Variants in CSMD1 observed in about 807,000 individuals in gnomAD.
CSMD1 encodes the protein CUB and Sushi multiple domains 1, also known as CUB and sushi domain-containing protein 1.
Under a neutral mutation model 417.5 loss-of-function variants are expected in CSMD1, and 213 were observed. The observed-to-expected ratio is 0.51, with a 90% CI of 0.46 to 0.57. The LOEUF is 0.57. Among genes scored for constraint, CSMD1 ranks in the 20% least tolerant of loss-of-function variants. CSMD1 has a pLI of 0.00. For synonymous variants in CSMD1, 2,862 were observed against 1,736.8 expected, an observed-to-expected ratio of 1.65 and a Z score of -16.11; for missense variants, 6,923 against 4,529.7, an observed-to-expected ratio of 1.53 and a Z score of -15.17.
At chr8:3,025,381 T>G (rs1320263296) in intron 51 of CSMD1, among the ~76,000 whole-genome samples, 1 of 151,700 alleles carries the variant, frequency 6.6e-6, no homozygotes, top group South Asian at 2.1e-4. Context: ...TCTGAAACTG[T>G]GTATTGTGTG....
chr8:4,333,496 G>C (rs989346940), intron 3 of CSMD1, among the ~76,000 whole-genome samples: 1 of 152,078 alleles, frequency 6.6e-6, no homozygotes, highest in Non-Finnish European at 1.5e-5. Context: ...ATGATTATGT[G>C]TACAGCACTA....
chr8:4,403,367 T>C (rs1804782950), intron 3 of CSMD1, among the ~76,000 whole-genome samples: 2 of 152,166 alleles, frequency 1.3e-5, no homozygotes, highest in African/African-American at 4.8e-5. Context: ...AAGTCTCTAC[T>C]TGACCTCTCT....
At chr8:3,495,353 C>T (rs757046869) in intron 10 of CSMD1, among the ~76,000 whole-genome samples, 4 of 152,128 alleles carry the variant, frequency 2.6e-5, no homozygotes, top group Admixed American at 2.0e-4. Flanking sequence ...TGGTGGGAAG[C>T]GATGATAATT....
At chr8:2,964,473 G>A (rs1335422548) in intron 59 of CSMD1, among the ~76,000 whole-genome samples, 1 of 152,208 alleles carries the variant, frequency 6.6e-6, no homozygotes, top group East Asian at 1.9e-4. Flanking sequence ...GGGAATGGGA[G>A]GAGACAAGTT....
At chr8:4,082,739 T>C (rs927021496) in intron 3 of CSMD1, among the ~76,000 whole-genome samples, 1 of 150,462 alleles carries the variant, frequency 6.6e-6, no homozygotes, top group African/African-American at 2.4e-5. Context: ...GCATTAGGTA[T>C]ATCTCCTGAT....
intron 2 of CSMD1, among the ~76,000 whole-genome samples, chr8:4,545,660 T>G (rs1585231140): frequency 6.6e-6 from 1 of 152,156 alleles, no homozygotes; most frequent in Non-Finnish European, 1.5e-5. Flanking sequence ...CCTAGGAGTT[T>G]CCCAGTGTGC....
intron 3 of CSMD1, among the ~76,000 whole-genome samples, chr8:4,067,167 T>C (rs1022060643): frequency 2.0e-5 from 3 of 152,252 alleles, no homozygotes; most frequent in African/African-American, 7.2e-5. Flanking sequence ...GGATGAAAGA[T>C]ACTGGGTGAA....
intron 3 of CSMD1, among the ~76,000 whole-genome samples, chr8:4,084,171 G>A (rs1276625776): frequency 1.3e-5 from 2 of 149,622 alleles, no homozygotes; most frequent in South Asian, 2.1e-4. Context: ...AATTAAAAGA[G>A]AAAGAATTTT....
chr8:4,991,120 C>A (rs1233413082), intron 1 of CSMD1, among the ~76,000 whole-genome samples: 5 of 152,236 alleles, frequency 3.3e-5, no homozygotes, highest in Non-Finnish European at 4.4e-5. Context: ...CAAGAAACAA[C>A]TGAGAAGGAA....
Position 4,787,582 on chromosome 8 carries a change from G to C in CSMD1, c.86-150024C>G, listed in dbSNP as rs547060364. On this transcript the variant is annotated intron_variant, in intron 1 of 69. Transcript: ENST00000635120. ...GGGAGACAGCTTTCATTGCACCCCA[G>C]TGCGAAATGATTCCAATTGAATGGG... 1.2e-3 allele frequency: 1,837 copies of C among 1,518,900 alleles called. 4 individuals carry two copies. The highest frequency in any genetic ancestry group is 1.5e-3 in the Non-Finnish European group (1,622 of 1,097,648). The allele number at this position is 1,518,900 out of a possible 1,614,324, so 94.1% of individuals were successfully genotyped here.
intron 4 of CSMD1, among the ~76,000 whole-genome samples, chr8:4,022,801 G>A (rs566595424): frequency 2.0e-5 from 3 of 152,188 alleles, no homozygotes; most frequent in Admixed American, 2.0e-4. Flanking sequence ...AAGCAATCGT[G>A]TAAGTTAGAG....
intron 5 of CSMD1, among the ~76,000 whole-genome samples, chr8:3,929,644 A>G (rs534898214): frequency 1.4e-5 from 2 of 146,740 alleles, no homozygotes; most frequent in African/African-American, 5.2e-5. Flanking sequence ...GTTTCAAAAC[A>G]TATTTGTATG....
At chr8:3,867,475 T>A (rs145728125) in intron 5 of CSMD1, among the ~76,000 whole-genome samples, 36 of 152,138 alleles carry the variant, frequency 2.4e-4, no homozygotes, top group Non-Finnish European at 4.6e-4. Flanking sequence ...ACAAAATATA[T>A]CTGACCTGCT....
chr8:3,505,351 G>C lies in CSMD1; in HGVS notation c.1345-11625C>G, dbSNP rs1380592062. Among the ~76,000 whole-genome samples the C allele has an allele frequency of 4.6e-5, 7 of 152,278 alleles. No homozygotes were observed. In the East Asian group the frequency reaches 5.8e-4, roughly 13 times the overall value. On this transcript the variant is annotated intron_variant, in intron 10 of 69. Transcript: ENST00000635120. ...GGAGCAAAAGATGAAAAGAAGATGA[G>C]AGAAAATTATAGATCACTACATGAA... is the stretch of plus-strand genomic sequence containing the variant.
rs553696783 is a variant in CSMD1, at chr8:4,841,778, G to C, written c.85+152554C>G. Among the ~76,000 whole-genome samples the C allele has an allele frequency of 4.3e-3, 657 of 151,860 alleles. 4 individuals are homozygous for C. The highest frequency in any genetic ancestry group is 0.015 in the African/African-American group (602 of 41,434). ...ATACAAAAATTAGCTGGGCGTGGTG[G>C]CACATGCCTGTAATCCTAGCTACTC... On this transcript the variant is annotated intron_variant, in intron 1 of 69. Transcript: ENST00000635120.
intron 10 of CSMD1, among the ~76,000 whole-genome samples, chr8:3,522,676 G>C (rs988111469): frequency 6.6e-6 from 1 of 152,006 alleles, no homozygotes; most frequent in African/African-American, 2.4e-5. Flanking sequence ...GTTTCAGTGA[G>C]GAGTAGATCA....
intron 1 of CSMD1, among the ~76,000 whole-genome samples, chr8:4,732,139 CTAA>C (rs1809922599): frequency 1.3e-5 from 2 of 152,210 alleles, no homozygotes; most frequent in South Asian, 2.1e-4. Flanking sequence ...TCAGAGGCTT[CTAA>C]TAATGTTCCC....
intron 12 of CSMD1, among the ~76,000 whole-genome samples, chr8:3,436,553 T>C (rs990114323): frequency 6.6e-5 from 10 of 152,204 alleles, no homozygotes; most frequent in African/African-American, 1.9e-4. Context: ...CATTGTTTCA[T>C]TTTCTTTTCT....
intron 8 of CSMD1, among the ~76,000 whole-genome samples, chr8:3,609,388 G>C (rs924661611): frequency 9.9e-5 from 15 of 152,144 alleles, no homozygotes; most frequent in Admixed American, 5.2e-4. Flanking sequence ...TTAGACAGTG[G>C]TCTATGGTGA....
Sources: gnomAD v4.1 joint callset for allele counts (sites outside exome capture counted in the v4.1 genomes callset) on GRCh38, gnomAD v4.1.1 for gene constraint, MANE v1.5 for transcripts, NCBI Gene and HGNC (gene_info 2026-07-23, HGNC 2026-07-21) for gene names.